CNGB3: variants seen among roughly 807,000 people sequenced by gnomAD.
CNGB3 encodes cyclic nucleotide-gated channel beta-3.
A neutral mutation model predicts 92.8 loss-of-function variants in CNGB3; 86 were observed. The observed-to-expected ratio is 0.93, with a 90% confidence interval of 0.78 to 1.11. The LOEUF is 1.11. Ranked by LOEUF, CNGB3 falls within the 50% of genes least tolerant of loss-of-function variation. CNGB3 has a pLI of 0.00. For missense variants in CNGB3, 1,026 were observed against 956.8 expected, an observed-to-expected ratio of 1.07 and a Z score of -0.95; for synonymous variants, 333 against 332.7, an observed-to-expected ratio of 1.00 and a Z score of -0.01.
At chr8:86,728,408 A>AT (rs34389753) in intron 2 of CNGB3, among the ~76,000 whole-genome samples, 98,167 of 151,962 alleles carry the variant, frequency 0.65, 32,992 homozygotes, top group African/African-American at 0.83. Context: ...TTTGATAAAA[A>AT]AAGAGAGAAG....
chr8:86,711,157 G>A (rs1824742055), intron 3 of CNGB3, among the ~76,000 whole-genome samples: 1 of 152,000 alleles, frequency 6.6e-6, no homozygotes. Context: ...CAGCTACATG[G>A]GCTCTTTGCG....
rs749714532 is a variant in CNGB3 at position 86,578,815 on chromosome 8, T to C, written c.1977A>G (p.Arg659=). The change falls in exon 17 of 18, where the codon AGA becomes AGG. Residue 659 remains arginine, a synonymous_variant. Transcript: ENST00000320005. Reference sequence around the variant, plus strand: ...GTGGGAAGAGGAGGGCAAGATCTTTTCTTGGAGGGGTTGCTTCTGCGGTCT... The same window carrying C: ...GTGGGAAGAGGAGGGCAAGATCTTTCCTTGGAGGGGTTGCTTCTGCGGTCT... ...KAKTAEATPP[R]KDLALLFPPK... The C allele has an allele frequency of 1.2e-6, 2 of 1,614,192 alleles. No individual in the cohort carries two copies. The highest frequency in any genetic ancestry group is 1.7e-6 in the Non-Finnish European group (2 of 1,180,044).
chr8:86,679,648 C>T (rs1440078407), intron 3 of CNGB3, among the ~76,000 whole-genome samples: 2 of 152,128 alleles, frequency 1.3e-5, no homozygotes, highest in Admixed American at 1.3e-4. Flanking sequence ...GTCTCAGCTT[C>T]CCAAGTAGCT....
At chr8:86,694,311 G>A (rs1478008107) in intron 3 of CNGB3, among the ~76,000 whole-genome samples, 37 of 143,492 alleles carry the variant, frequency 2.6e-4, no homozygotes, top group Admixed American at 7.6e-4. Flanking sequence ...GGGCTGAGGC[G>A]CCCCTCACCT....
At chr8:86,638,815 T>C (rs1349470433) in intron 10 of CNGB3, among the ~76,000 whole-genome samples, 1 of 151,932 alleles carries the variant, frequency 6.6e-6, no homozygotes, top group Non-Finnish European at 1.5e-5. Flanking sequence ...GATCCACTGA[T>C]TCTTTGCTCT....
intron 6 of CNGB3, chr8:86,658,250 G>T: frequency 1.8e-6 from 1 of 543,210 alleles, no homozygotes. Context: ...GCTCCTCCTC[G>T]GCACTGGCCA....
intron 13 of CNGB3, among the ~76,000 whole-genome samples, chr8:86,616,312 T>C (rs1039431224): frequency 1.3e-5 from 2 of 152,216 alleles, no homozygotes; most frequent in Non-Finnish European, 2.9e-5. Context: ...CCCTAATGAT[T>C]ACTTTATGAA....
chr8:86,682,731 C>T (rs566053192), intron 3 of CNGB3, among the ~76,000 whole-genome samples: 6 of 152,182 alleles, frequency 3.9e-5, no homozygotes, highest in South Asian at 4.1e-4. Context: ...CAAGAACGTC[C>T]GAGTCAATAA....
intron 7 of CNGB3, among the ~76,000 whole-genome samples, chr8:86,650,124 A>T (rs183394414): frequency 1.6e-3 from 242 of 151,750 alleles, no homozygotes; most frequent in Non-Finnish European, 2.8e-3. Flanking sequence ...TAACAAGTTA[A>T]GAAGTGTACA....
intron 3 of CNGB3, among the ~76,000 whole-genome samples, chr8:86,678,566 CAA>C (rs1824020144): frequency 6.6e-6 from 1 of 152,078 alleles, no homozygotes; most frequent in African/African-American, 2.4e-5. Flanking sequence ...TGTATGGTTC[CAA>C]CACTTGTTTC....
Position 86,666,882 on chromosome 8 carries a change from G to A in CNGB3, c.852+43C>T, listed in dbSNP as rs1823749382. 4 of 1,464,600 alleles carry A rather than the reference G, an allele frequency of 2.7e-6. No homozygotes were observed. In the East Asian group the frequency reaches 9.1e-5, roughly 33 times the overall value. The allele number at this position is 1,464,600 out of a possible 1,614,324, so 90.7% of individuals were successfully genotyped here. On this transcript the variant is annotated intron_variant, in intron 6 of 17. Transcript: ENST00000320005. ...GTTACTTTTTGTAGCCCAATTAGAT[G>A]TTATTCACGTTTCAGTTTCTGCCTT... is the stretch of plus-strand genomic sequence containing the variant.
chr8:86,624,272 A>C (rs1287238004), intron 13 of CNGB3, among the ~76,000 whole-genome samples: 1 of 152,118 alleles, frequency 6.6e-6, no homozygotes, highest in Admixed American at 6.5e-5. Context: ...TACAAAAATT[A>C]GCTGGGTGTG....
intron 10 of CNGB3, among the ~76,000 whole-genome samples, chr8:86,635,821 G>GAGATAT (rs1491093275): frequency 1.7e-5 from 1 of 60,596 alleles, no homozygotes; most frequent in Non-Finnish European, 2.9e-5. Context: ...TATAACACAT[G>GAGATAT]ATATATATAT....
intron 6 of CNGB3, chr8:86,660,681 A>G: frequency 3.8e-6 from 2 of 531,230 alleles, no homozygotes; most frequent in South Asian, 2.8e-5. Flanking sequence ...GCACAGCTAC[A>G]GCCCTGTTTT....
chr8:86,690,518 C>T (rs1326040453), intron 3 of CNGB3, among the ~76,000 whole-genome samples: 3 of 152,154 alleles, frequency 2.0e-5, no homozygotes, highest in African/African-American at 7.2e-5. Context: ...TGCCTATTCA[C>T]TCTGATGGTA....
chr8:86,639,008 AAT>A (rs1424707066), intron 10 of CNGB3, among the ~76,000 whole-genome samples: 2 of 151,862 alleles, frequency 1.3e-5, no homozygotes, highest in Admixed American at 6.6e-5. Flanking sequence ...ATCCTGAATA[AAT>A]ATTTTCATCT....
At chr8:86,664,038 G>C (rs1823695307) in intron 6 of CNGB3, among the ~76,000 whole-genome samples, 1 of 152,072 alleles carries the variant, frequency 6.6e-6, no homozygotes, top group Non-Finnish European at 1.5e-5. Flanking sequence ...TGTTCCTTTT[G>C]TTGTTGTTTA....
chr8:86,616,208 G>A (rs1230743817), intron 13 of CNGB3, among the ~76,000 whole-genome samples: 3 of 152,068 alleles, frequency 2.0e-5, no homozygotes, highest in Admixed American at 1.3e-4. Context: ...TAACATACTT[G>A]GATAGCACAT....
intron 13 of CNGB3, among the ~76,000 whole-genome samples, chr8:86,619,728 C>CTTTTTTTTTTTTTTT (rs71275868): frequency 1.4e-5 from 1 of 73,406 alleles, no homozygotes. Context: ...TGGTCTTGAC[C>CTTTTTTTTTTTTTTT]TTTTTTTTTT....
Sources: gnomAD v4.1 joint callset for allele counts (sites outside exome capture counted in the v4.1 genomes callset) on GRCh38, gnomAD v4.1.1 for gene constraint, MANE v1.5 for transcripts, NCBI Gene and HGNC (gene_info 2026-07-23, HGNC 2026-07-21) for gene names.